Variants in ERCC6L2 observed in about 807,000 individuals in gnomAD.
ERCC6L2 encodes the protein DNA excision repair protein ERCC-6-like 2.
Under a neutral mutation model 132.0 loss-of-function variants are expected in ERCC6L2, and 77 were observed. The observed-to-expected ratio is 0.58, with a 90% CI of 0.49 to 0.71. The LOEUF is 0.71. Among genes scored for constraint, ERCC6L2 ranks in the 30% least tolerant of loss-of-function variants. The pLI is 0.00. For synonymous variants in ERCC6L2, 583 were observed against 632.4 expected (o/e 0.92, Z 1.17); for missense variants, 1,542 against 1,837.6 (o/e 0.84, Z 2.94).
intron 4 of ERCC6L2, among the ~76,000 whole-genome samples, chr9:95,915,428 T>A (rs1317875403): frequency 6.6e-6 from 1 of 152,236 alleles, no homozygotes; most frequent in Admixed American, 6.5e-5. Flanking sequence ...TTAAATGAAA[T>A]TTTTCTTTTT....
chr9:96,032,307 C>T (rs1357132573), intron 19 of ERCC6L2, among the ~76,000 whole-genome samples: 1 of 152,158 alleles, frequency 6.6e-6, no homozygotes, highest in Non-Finnish European at 1.5e-5. Context: ...GGGCAGCTGC[C>T]GCTAGGCCAG....
Position 95,931,036 on chromosome 9 carries a change from A to G in ERCC6L2, c.1751+2172A>G, listed in dbSNP as rs536939954. Among the ~76,000 whole-genome samples, 4 of 152,352 alleles carry G rather than the reference A, an allele frequency of 2.6e-5. No individual in the cohort carries two copies. In the South Asian group the frequency reaches 8.3e-4, roughly 32 times the overall value. On this transcript the variant is annotated intron_variant, in intron 11 of 18. Coordinates refer to ENST00000653738, the MANE Select transcript of ERCC6L2 (RefSeq NM_020207.7). ...ACATTACTATGTTTTTATAAACTAA[A>G]CATCTTTAATGCAGGGGCAAGTAGT...
At chr9:95,900,444 T>C (rs1318164957) in intron 3 of ERCC6L2, among the ~76,000 whole-genome samples, 4 of 152,156 alleles carry the variant, frequency 2.6e-5, no homozygotes, top group Admixed American at 2.6e-4. Flanking sequence ...GTTTTTAATA[T>C]GTAGTTTTTT....
chr9:95,964,610 C>T (rs567192622), intron 13 of ERCC6L2, among the ~76,000 whole-genome samples: 43 of 152,198 alleles, frequency 2.8e-4, no homozygotes, highest in Admixed American at 2.7e-3. Flanking sequence ...GATGGAAGAA[C>T]GGCCATGAAC....
At chr9:95,929,972 A>C (rs748798541) in intron 11 of ERCC6L2, among the ~76,000 whole-genome samples, 4 of 152,108 alleles carry the variant, frequency 2.6e-5, no homozygotes, top group East Asian at 1.9e-4. Context: ...CTTCACCTCT[A>C]TCTGTCAGAA....
chr9:95,925,721 G>GT (rs1241833180), intron 9 of ERCC6L2, among the ~76,000 whole-genome samples: 1 of 152,086 alleles, frequency 6.6e-6, no homozygotes, highest in Admixed American at 6.6e-5. Context: ...AGTTGCAATA[G>GT]TTATGATACC....
At chr9:95,997,266 C>G (rs1833503463) in intron 17 of ERCC6L2, among the ~76,000 whole-genome samples, 2 of 152,132 alleles carry the variant, frequency 1.3e-5, no homozygotes, top group South Asian at 4.1e-4. Context: ...GAAGTTGATT[C>G]CAGCCCTCAT....
At position 95,897,929 on chromosome 9, in the gene ERCC6L2, A is replaced by G; in HGVS notation, c.552A>G (p.Leu184=). 1 of 1,612,412 alleles carries G rather than the reference A, an allele frequency of 6.2e-7. No homozygotes were observed. The highest frequency in any genetic ancestry group is 8.5e-7 in the Non-Finnish European group (1 of 1,179,172). ...DIENNMPEFL[L]RSMKKEPLSS... ...AAAATAACATGCCAGAGTTTTTACT[A>G]AGAAGTATGAAAAAGGAACCCCTTT... The change falls in exon 3 of 19, where the codon CTA becomes CTG. Residue 184 remains leucine (L), a synonymous_variant. Transcript: ENST00000653738.
intron 19 of ERCC6L2, among the ~76,000 whole-genome samples, chr9:96,027,133 AACACACT>A (rs1432319315): frequency 7.9e-6 from 1 of 126,910 alleles, no homozygotes; most frequent in African/African-American, 3.0e-5. Context: ...CACCACACAC[AACACACT>A]ACACACACCC....
At chr9:95,932,962 T>A (rs953748365) in intron 11 of ERCC6L2, among the ~76,000 whole-genome samples, 1 of 152,222 alleles carries the variant, frequency 6.6e-6, no homozygotes, top group Non-Finnish European at 1.5e-5. Context: ...TTCTGAGTTG[T>A]ATTATCATCA....
intron 19 of ERCC6L2, among the ~76,000 whole-genome samples, chr9:96,023,555 G>A (rs1190846758): frequency 1.3e-5 from 2 of 152,090 alleles, no homozygotes; most frequent in Non-Finnish European, 2.9e-5. Flanking sequence ...TTTTAACTGT[G>A]TTTTTGATGT....
rs1410232903 is a variant in ERCC6L2, at chr9:95,972,659, A to G, written c.2908A>G (p.Ile970Val). Reference protein sequence around the residue: ...LSPENTTLKSILKRKGTSDIS... With the variant: ...LSPENTTLKSVLKRKGTSDIS... ...TCCTGAGAACACAACCCTGAAATCT[A>G]TTTTGAAAAGAAAAGGCACCAGTGA... The change falls in exon 16 of 19, where the codon ATT becomes GTT. Residue 970 changes from isoleucine (I) to valine (V), a missense_variant. Around this residue, in one of 4 missense-constraint regions of ERCC6L2, gnomAD observed 945 missense variants for 1,105.2 expected, o/e 0.86. Transcript: ENST00000653738. 2 of 1,296,902 alleles carry G rather than the reference A, an allele frequency of 1.5e-6. No individual in the cohort carries two copies. The highest frequency in any genetic ancestry group is 3.0e-5 in the African/African-American group (2 of 65,872). The allele number at this position is 1,296,902 out of a possible 1,614,324, so 80.3% of individuals were successfully genotyped here. A position where few individuals can be genotyped will look rare whatever the true frequency, so the allele number is the denominator to read the frequency against.
rs1361400303 is a variant in ERCC6L2 at position 95,919,839 on chromosome 9, A to C, written c.1159-1336A>C. 2.6e-5 allele frequency among the ~76,000 whole-genome samples: 4 copies of C among 152,348 alleles called. No homozygotes were observed. The East Asian group carries it at 7.7e-4, about 29-fold the overall frequency. ...CAAGAGACGGATCTTGGAGAAATTC[A>C]AGAGCTAATTTAAAGAAATTCAGGA... On this transcript the variant is annotated intron_variant, in intron 6 of 18. Coordinates refer to ENST00000653738, the MANE Select transcript of ERCC6L2 (RefSeq NM_020207.7).
rs528351927 is a variant in ERCC6L2 at position 95,958,426 on chromosome 9, G to C, written c.1947+2413G>C. ...TCTAGTTCTAGGTCCCTGAGGAATT[G>C]CCACACTGACTTCCACAATGGTTGA... On this transcript the variant is annotated intron_variant, in intron 13 of 18. Coordinates refer to ENST00000653738, the MANE Select transcript of ERCC6L2 (RefSeq NM_020207.7). 4.8e-3 allele frequency among the ~76,000 whole-genome samples: 732 copies of C among 152,172 alleles called. 6 individuals are homozygous for C. The highest frequency in any genetic ancestry group is 0.016 in the African/African-American group (658 of 41,530).
chr9:95,991,473 A>G (rs1368386547), intron 17 of ERCC6L2, among the ~76,000 whole-genome samples: 2 of 152,154 alleles, frequency 1.3e-5, no homozygotes, highest in Non-Finnish European at 2.9e-5. Flanking sequence ...CCTCTTTTTT[A>G]TAGAACACCA....
chr9:95,882,170 A>C (rs1300741606), intron 2 of ERCC6L2, among the ~76,000 whole-genome samples: 5 of 152,192 alleles, frequency 3.3e-5, no homozygotes, highest in Non-Finnish European at 4.4e-5. Flanking sequence ...AAGGAGAGCA[A>C]GTAGGAGGGC....
downstream of ERCC6L2, chr9:96,021,309 T>C: frequency 3.0e-6 from 1 of 332,530 alleles, no homozygotes; most frequent in Admixed American, 4.3e-5. This position sits in a 1 kb window ranked among gnomAD's most constrained non-coding sequence, Gnocchi z 4.7. Context: ...AGCAAGCGAT[T>C]AACTGATGGC....
chr9:96,039,970 G>A (rs989423355), intron 20 of ERCC6L2, among the ~76,000 whole-genome samples: 2 of 151,926 alleles, frequency 1.3e-5, no homozygotes, highest in African/African-American at 4.8e-5. Flanking sequence ...TGTAATCCCA[G>A]CACTTTGGGA....
intron 17 of ERCC6L2, among the ~76,000 whole-genome samples, chr9:95,984,838 A>G (rs567828975): frequency 2.0e-5 from 3 of 152,348 alleles, no homozygotes; most frequent in Non-Finnish European, 2.9e-5. Flanking sequence ...GATTTATTCC[A>G]TGAACAACTT....
Sources: gnomAD v4.1 joint callset for allele counts (sites outside exome capture counted in the v4.1 genomes callset) on GRCh38, gnomAD v4.1.1 for gene constraint, gnomAD v4.1.1 regional missense constraint, Gnocchi (gnomAD v3.1) non-coding constraint, MANE v1.5 for transcripts, NCBI Gene and HGNC (gene_info 2026-07-23, HGNC 2026-07-21) for gene names.